The following VPS13D variants were observed in gnomAD, a reference collection of about 807,000 sequenced individuals.
VPS13D encodes the protein vacuolar protein sorting 13 homolog D.
In VPS13D, 187 loss-of-function variants were observed where a neutral mutation model predicts 461.9. That is an observed-to-expected ratio of 0.40 (90% CI 0.36 to 0.46). The LOEUF is 0.46. Ranked by LOEUF, VPS13D falls within the 20% of genes least tolerant of loss-of-function variation. The pLI, the probability that VPS13D is intolerant of heterozygous loss-of-function variation, is 0.60. For synonymous variants in VPS13D, 1,951 were observed against 1,986.3 expected, an observed-to-expected ratio of 0.98 and a Z score of 0.47; for missense variants, 4,711 against 5,364.9, an observed-to-expected ratio of 0.88 and a Z score of 3.81.
chr1:12,330,909 T>G (rs1643313099), intron 37 of VPS13D, among the ~76,000 whole-genome samples: 1 of 152,296 alleles, frequency 6.6e-6, no homozygotes, highest in African/African-American at 2.4e-5. Context: ...CCACTGGGTT[T>G]GTTTGTTTTA....
chr1:12,419,982 T>C (rs1644842981), intron 65 of VPS13D, among the ~76,000 whole-genome samples: 1 of 152,182 alleles, frequency 6.6e-6, no homozygotes, highest in African/African-American at 2.4e-5. Flanking sequence ...AAAAGTATGG[T>C]ATTATAATCT....
chr1:12,355,869 C>A, intron 47 of VPS13D, 30 bp from the exon 48 acceptor site: 1 of 1,487,898 alleles, frequency 6.7e-7, no homozygotes, highest in Non-Finnish European at 9.0e-7. Context: ...AGTGAGAACT[C>A]TGAAAGTTAA....
intron 2 of VPS13D, among the ~76,000 whole-genome samples, chr1:12,237,665 T>A (rs550896252): frequency 1.3e-4 from 17 of 130,514 alleles, no homozygotes; most frequent in Admixed American, 2.3e-4. Context: ...AAAAAAAAAA[T>A]AAATAAATAA....
At position 12,279,631 on chromosome 1, in the gene VPS13D, A is replaced by G. The variant is rs1181213865; in HGVS notation, c.4583A>G (p.Lys1528Arg). The G allele has an allele frequency of 6.2e-7, 1 of 1,612,030 alleles. No individual in the cohort carries two copies. Among genetic ancestry groups the G allele is most frequent in the Non-Finnish European group, 8.5e-7 (1 of 1,178,622 alleles). Residue 1528 changes from lysine to arginine, a missense_variant, in exon 20 of 70, where the codon AAA becomes AGA. By Grantham distance (26) the Lys-to-Arg change is conservative. Coordinates refer to ENST00000620676, the MANE Select transcript of VPS13D (RefSeq NM_015378.4). This position sits in a 1 kb window ranked among gnomAD's most constrained non-coding sequence, Gnocchi z 4.3. Reference sequence around the variant, plus strand: ...TCTAGCATCATGAAGATTGAAGGAAAATTTGTCAATCCAGTTCAGGTAAAT... The same window carrying G: ...TCTAGCATCATGAAGATTGAAGGAAGATTTGTCAATCCAGTTCAGGTAAAT... Reference protein sequence around the residue: ...GTSSIMKIEGKFVNPVQVVLA... With the variant: ...GTSSIMKIEGRFVNPVQVVLA...
Position 12,510,450 on chromosome 1 carries a change from A to C in VPS13D, c.*1426A>C, listed in dbSNP as rs1646167009. On this transcript the variant is annotated 3_prime_UTR_variant, in exon 70 of 70. Coordinates refer to ENST00000620676, the MANE Select transcript of VPS13D (RefSeq NM_015378.4). ...TTTGGTGTTTATAACTCATGACCCA[A>C]ATCCTTCCAAGACACAAATGAAGCT... The C allele has an allele frequency of 1.3e-5, 2 of 152,170 alleles. No homozygotes were observed. Among genetic ancestry groups the C allele is most frequent in the African/African-American group, 4.8e-5 (2 of 41,370 alleles). 9.4% of individuals were successfully genotyped at this position (152,170 alleles called of 1,614,324 possible).
chr1:12,364,997 A>C (rs529460967), intron 52 of VPS13D, among the ~76,000 whole-genome samples: 2 of 152,280 alleles, frequency 1.3e-5, no homozygotes, highest in East Asian at 3.9e-4. Flanking sequence ...TGGTTTTCTC[A>C]GCACTGTTTA....
chr1:12,451,449 G>A (rs866988413), intron 65 of VPS13D, among the ~76,000 whole-genome samples: 4 of 152,218 alleles, frequency 2.6e-5, no homozygotes, highest in East Asian at 1.9e-4. Context: ...GTCTTTGTGA[G>A]TGTAACACTA....
In VPS13D at chr1:12,249,834, C is replaced by T. The variant is rs779306957; in HGVS notation, c.564+495C>T. On this transcript the variant is annotated intron_variant, in intron 6 of 69. Transcript: ENST00000620676. Reference sequence around the variant, plus strand: ...ACACCAGACGTGTGAGGATTTTCCCCCACACGCCAAGCAGTTCTCCACATA... The same window carrying T: ...ACACCAGACGTGTGAGGATTTTCCCTCACACGCCAAGCAGTTCTCCACATA... Among the ~76,000 whole-genome samples the T allele has an allele frequency of 4.6e-5, 7 of 152,262 alleles. No homozygotes were observed. In the South Asian group the frequency reaches 6.2e-4, roughly 14 times the overall value.
At chr1:12,497,286 A>G (rs979456721) in intron 67 of VPS13D, 8 of 411,622 alleles carry the variant, frequency 1.9e-5, no homozygotes, top group East Asian at 1.0e-4. Flanking sequence ...CCATGATCAC[A>G]TGGCCAGAAA....
intron 67 of VPS13D, among the ~76,000 whole-genome samples, chr1:12,493,241 C>G (rs1397965683): frequency 1.3e-5 from 2 of 150,074 alleles, no homozygotes; most frequent in African/African-American, 4.9e-5. Flanking sequence ...GTAATGCCAG[C>G]ACTTTGGGAG....
At chr1:12,307,327 T>G (rs1642595582) in intron 26 of VPS13D, among the ~76,000 whole-genome samples, 1 of 152,100 alleles carries the variant, frequency 6.6e-6, no homozygotes, top group African/African-American at 2.4e-5. Flanking sequence ...CCATGCCACC[T>G]GTAAGGCTGT....
intron 23 of VPS13D, among the ~76,000 whole-genome samples, chr1:12,292,069 G>A (rs1030516078): frequency 1.3e-5 from 2 of 151,972 alleles, no homozygotes; most frequent in Non-Finnish European, 2.9e-5. Flanking sequence ...GACCAGCCTG[G>A]CCAACATGAT....
chr1:12,410,595 CAG>C (rs1644713879), intron 63 of VPS13D, among the ~76,000 whole-genome samples: 1 of 151,986 alleles, frequency 6.6e-6, no homozygotes. Flanking sequence ...TATTTTTAGA[CAG>C]AGAATTTAAA....
chr1:12,483,796 G>A (rs1389280614), intron 67 of VPS13D, among the ~76,000 whole-genome samples: 3 of 151,814 alleles, frequency 2.0e-5, no homozygotes, highest in African/African-American at 4.8e-5. Context: ...TCAGGAGTTC[G>A]AGACCAGCCT....
chr1:12,392,476 T>C (rs1350291943), intron 60 of VPS13D, among the ~76,000 whole-genome samples: 1 of 136,898 alleles, frequency 7.3e-6, no homozygotes, highest in African/African-American at 2.7e-5. Flanking sequence ...CAAGACTCTC[T>C]CAAAAAAAAA....
chr1:12,413,989 A>G (rs1259145186), intron 63 of VPS13D, among the ~76,000 whole-genome samples: 1 of 152,160 alleles, frequency 6.6e-6, no homozygotes, highest in Non-Finnish European at 1.5e-5. Flanking sequence ...ATGTGCCCCA[A>G]AAGACATAGC....
rs568581395 is a variant in VPS13D at position 12,371,643 on chromosome 1, T to G, written c.10808+1941T>G. On this transcript the variant is annotated intron_variant, in intron 54 of 69. Coordinates refer to ENST00000620676, the MANE Select transcript of VPS13D (RefSeq NM_015378.4). ...CCTGACTTCAGGCGATCCACCCACC[T>G]CTGCCTCCCAAAGTGCTGGGATTAC... 2.2e-4 allele frequency among the ~76,000 whole-genome samples: 34 copies of G among 152,290 alleles called. 1 individual carries two copies. The South Asian group carries it at 4.6e-3, about 20-fold the overall frequency.
intron 34 of VPS13D, 66 bp from the exon 35 acceptor site, chr1:12,323,640 A>G (rs1643102391): frequency 2.0e-6 from 3 of 1,479,514 alleles, no homozygotes; most frequent in Non-Finnish European, 2.8e-6. Context: ...CTTTTTTTCT[A>G]AAATTAGTTT....
chr1:12,507,068 C>T lies in VPS13D; in HGVS notation c.13010C>T (p.Pro4337Leu), dbSNP rs1406459189. The change falls in exon 69 of 70, where the codon CCC becomes CTC. Residue 4337 changes from proline to leucine, a missense_variant. Pro to Leu is a moderately conservative substitution (Grantham distance 98). This residue lies in a region of VPS13D where 194 missense variants were observed against 220.9 expected (regional missense o/e 0.88). Transcript: ENST00000620676. The surrounding 1 kb of genome is among the most constrained non-coding windows in gnomAD (Gnocchi z 5.3). ...AVSTSSGVSI[P>L]GPSHQKPMVH... Reference sequence around the variant, plus strand: ...AGCACGAGCAGTGGAGTGTCCATCCCCGGCCCCTCCCACCAGAAGCCCATG... The same window carrying T: ...AGCACGAGCAGTGGAGTGTCCATCCTCGGCCCCTCCCACCAGAAGCCCATG... 1 of 1,614,218 alleles carries T rather than the reference C, an allele frequency of 6.2e-7. No homozygotes were observed. The highest frequency in any genetic ancestry group is 8.5e-7 in the Non-Finnish European group (1 of 1,180,040).
Sources: gnomAD v4.1 joint callset for allele counts (sites outside exome capture counted in the v4.1 genomes callset) on GRCh38, gnomAD v4.1.1 for gene constraint, gnomAD v4.1.1 regional missense constraint, Gnocchi (gnomAD v3.1) non-coding constraint, MANE v1.5 for transcripts, NCBI Gene and HGNC (gene_info 2026-07-23, HGNC 2026-07-21) for gene names.